MXRA7: variants seen among roughly 807,000 people sequenced by gnomAD.
The protein encoded by MXRA7 is matrix-remodeling-associated protein 7.
Under a neutral mutation model 17.4 loss-of-function variants are expected in MXRA7, and 18 were observed. The observed-to-expected ratio is 1.03, with a 90% CI of 0.71 to 1.53. The LOEUF is 1.53. Among genes scored for constraint, MXRA7 ranks in the 40% most tolerant of loss-of-function variants. The pLI, the probability that MXRA7 is intolerant of heterozygous loss-of-function variation, is 0.00. For missense variants in MXRA7, 141 were observed against 209.3 expected (o/e 0.67, Z 2.01); for synonymous variants, 70 against 101.7 (o/e 0.69, Z 1.87).
At chr17:76,700,388 A>C (rs533001846) in intron 1 of MXRA7, among the ~76,000 whole-genome samples, 21 of 152,248 alleles carry the variant, frequency 1.4e-4, no homozygotes, top group African/African-American at 4.6e-4. Context: ...TCTCTGTCTG[A>C]ACGCTTCTGG....
rs1171363509 is a variant in MXRA7 at position 76,710,844 on chromosome 17, G to A, written c.103C>T (p.Pro35Ser). The A allele has an allele frequency of 8.3e-5, 81 of 970,692 alleles. No individual in the cohort carries two copies. The highest frequency in any genetic ancestry group is 9.4e-5 in the Non-Finnish European group (77 of 819,274). 60.1% of individuals were successfully genotyped at this position (970,692 alleles called of 1,614,324 possible). ...LLVRRGAAAS[P>S]EPARAPPEPA... ...TCCGGGGGCGCGCGGGCAGGCTCCG[G>A]GCTCGCGGCCGCCCCACGCCGCACC... The change falls in exon 1 of 4, where the codon CCG (proline) becomes TCG (serine). Residue 35 changes from proline (P) to serine (S), a missense_variant. Physicochemically the swap from Pro to Ser is moderately conservative, Grantham distance 74 (BLOSUM62 -1). Transcript: ENST00000449428.
At position 76,680,459 on chromosome 17, in the gene MXRA7, T is replaced by A; in HGVS notation, c.*408A>T. 1 of 991,916 alleles carries A rather than the reference T, an allele frequency of 1.0e-6. No homozygotes were observed. The highest frequency in any genetic ancestry group is 5.1e-4 in the Middle Eastern group (1 of 1,954). The allele number at this position is 991,916 out of a possible 1,614,324, so 61.4% of individuals were successfully genotyped here. ...TCTCATTCCTCAAAGTCTTCTGTGG[T>A]TTGGCTTCAGTGAGGGCAAAAGAGG... On this transcript the variant is annotated 3_prime_UTR_variant, in exon 4 of 4. Coordinates refer to ENST00000449428, the MANE Select transcript of MXRA7 (RefSeq NM_198530.4).
At position 76,710,728 on chromosome 17, in the gene MXRA7, C is replaced by T. The variant is rs1468652908; in HGVS notation, c.219G>A (p.Glu73=). ...EPAASPAGPE[E]PGEPAGLGEL... ...CCCCCAGCCCCGCGGGCTCTCCAGG[C>T]TCCTCCGGCCCCGCGGGCGAGGCCG... Residue 73 remains glutamate (E), a synonymous_variant, in exon 1 of 4, where the codon GAG becomes GAA. Transcript: ENST00000449428. 5.2e-6 allele frequency: 6 copies of T among 1,145,176 alleles called. No homozygotes were observed. Among genetic ancestry groups the T allele is most frequent in the Non-Finnish European group, 5.4e-6 (5 of 923,986 alleles). The allele number at this position is 1,145,176 out of a possible 1,614,324, so 70.9% of individuals were successfully genotyped here. A position where few individuals can be genotyped will look rare whatever the true frequency, so the allele number is the denominator to read the frequency against.
At chr17:76,697,573 G>C (rs1488249099) in intron 1 of MXRA7, among the ~76,000 whole-genome samples, 1 of 152,240 alleles carries the variant, frequency 6.6e-6, no homozygotes, top group East Asian at 1.9e-4. Flanking sequence ...CAGAGTCTCA[G>C]CATTTTATGA....
rs865887711 is a variant in MXRA7 at position 76,681,295 on chromosome 17, C to T, written c.501-416G>A. On this transcript the variant is annotated intron_variant, in intron 3 of 3. Coordinates refer to ENST00000449428, the MANE Select transcript of MXRA7 (RefSeq NM_198530.4). This position sits in a 1 kb window ranked among gnomAD's most constrained non-coding sequence, Gnocchi z 4.7. ...TTTGTCCCCTCGGGGGATACTGGCA[C>T]CCTAGGATGCACGCTTCCAGATGGA... is the stretch of plus-strand genomic sequence containing the variant. Among the ~76,000 whole-genome samples the T allele has an allele frequency of 6.6e-6, 1 of 152,080 alleles. No individual in the cohort carries two copies. Among genetic ancestry groups the T allele is most frequent in the Non-Finnish European group, 1.5e-5 (1 of 67,976 alleles).
intron 2 of MXRA7, among the ~76,000 whole-genome samples, chr17:76,686,142 G>A (rs907286924): frequency 2.6e-5 from 4 of 152,164 alleles, no homozygotes; most frequent in Non-Finnish European, 4.4e-5. Context: ...AGGCGGGGGG[G>A]CTCTCAGGGT....
Position 76,680,880 on chromosome 17 carries a change from C to T in MXRA7, c.501-1G>A. The stretch of plus-strand genomic sequence containing the variant: ...AGGATAACTTCGTTATTCTTCAGTT[C>T]TGTAAAGAGAAATGGGGAGAAAAAG... On this transcript the variant is annotated splice_acceptor_variant, in intron 3 of 3. Transcript: ENST00000449428. LOFTEE classifies it high-confidence loss of function. 2 of 1,606,370 alleles carry T rather than the reference C, an allele frequency of 1.2e-6. No homozygotes were observed. Among genetic ancestry groups the T allele is most frequent in the Non-Finnish European group, 1.7e-6 (2 of 1,174,714 alleles).
chr17:76,678,042 G>A (rs2076255730), downstream of MXRA7, among the ~76,000 whole-genome samples: 1 of 152,192 alleles, frequency 6.6e-6, no homozygotes, highest in African/African-American at 2.4e-5. Flanking sequence ...ATGTAATGAG[G>A]AAGAAGATAG....
downstream of MXRA7, chr17:76,675,579 G>A (rs2076234232): frequency 6.6e-6 from 1 of 152,080 alleles, no homozygotes; most frequent in South Asian, 2.1e-4. Flanking sequence ...ATTTGTAGTA[G>A]AGACAGGGTT....
chr17:76,672,770 G>T (rs1473110102), exon 4 of MXRA7: 3 of 152,158 alleles, frequency 2.0e-5, no homozygotes, highest in Non-Finnish European at 4.4e-5. Flanking sequence ...TATATTGGCT[G>T]CTACCGTTAG....
chr17:76,701,200 C>T (rs2076587357), intron 1 of MXRA7, among the ~76,000 whole-genome samples: 2 of 151,906 alleles, frequency 1.3e-5, no homozygotes, highest in African/African-American at 4.8e-5. Flanking sequence ...TGAACAGCCA[C>T]CGAAGCAGGA....
At chr17:76,692,213 C>CAAA (rs34545186) in intron 1 of MXRA7, among the ~76,000 whole-genome samples, 3 of 140,352 alleles carry the variant, frequency 2.1e-5, no homozygotes, top group African/African-American at 2.6e-5. Context: ...ACCCTGTCAC[C>CAAA]AAAAGAAAAA....
downstream of MXRA7, chr17:76,677,834 A>C (rs1461069238): frequency 3.1e-6 from 2 of 642,432 alleles, no homozygotes; most frequent in Non-Finnish European, 5.6e-6. Flanking sequence ...CAGAACAAGA[A>C]GAAAATGAAA....
chr17:76,684,284 A>G (rs992295474), intron 3 of MXRA7, among the ~76,000 whole-genome samples: 1 of 152,176 alleles, frequency 6.6e-6, no homozygotes, highest in Non-Finnish European at 1.5e-5. Context: ...GATTCCCACA[A>G]GCTGCTCTGG....
chr17:76,691,241 G>A (rs2076475875), intron 1 of MXRA7, among the ~76,000 whole-genome samples: 1 of 152,202 alleles, frequency 6.6e-6, no homozygotes, highest in Admixed American at 6.5e-5. Context: ...CCCGTGCGCA[G>A]GGGGTAGCGT....
At chr17:76,677,484 T>C, downstream of MXRA7, 1 of 753,262 alleles carries the variant, frequency 1.3e-6, no homozygotes, top group Non-Finnish European at 2.3e-6. Flanking sequence ...GCATCTATGT[T>C]TATAAGGGAA....
At chr17:76,688,990 G>A (rs1026469099) in intron 1 of MXRA7, 1 of 189,758 alleles carries the variant, frequency 5.3e-6, no homozygotes, top group Non-Finnish European at 1.1e-5. Context: ...TGTGCCGGGA[G>A]GCAAAGTTTT....
chr17:76,694,206 C>CCCCCT (rs1236717276), intron 1 of MXRA7, among the ~76,000 whole-genome samples: 24 of 152,108 alleles, frequency 1.6e-4, no homozygotes, highest in Non-Finnish European at 1.6e-4. Context: ...CGTTGGAGAG[C>CCCCCT]CCCCTCCCCT....
chr17:76,691,529 G>A (rs1158080300), intron 1 of MXRA7, among the ~76,000 whole-genome samples: 1 of 152,174 alleles, frequency 6.6e-6, no homozygotes, highest in Non-Finnish European at 1.5e-5. Context: ...GTAGGGGGCA[G>A]TCTGTGGGAC....
Sources: allele counts gnomAD v4.1 joint callset (sites outside exome capture counted in the v4.1 genomes callset), GRCh38; gene constraint gnomAD v4.1.1; non-coding constraint Gnocchi (gnomAD v3.1); transcripts MANE v1.5; gene names NCBI Gene and HGNC (gene_info 2026-07-23, HGNC 2026-07-21).